FBXO34: variants seen among roughly 807,000 people sequenced by gnomAD.
FBXO34 encodes the protein F-box only protein 34.
Under a neutral mutation model 24.5 loss-of-function variants are expected in FBXO34, and 12 were observed. The observed-to-expected ratio is 0.49, with a 90% CI of 0.31 to 0.79. The LOEUF (loss-of-function observed/expected upper bound fraction) is 0.79. FBXO34 is among the 30% of genes least tolerant of loss of function. The pLI is 0.04. For missense variants in FBXO34, 823 were observed against 857.7 expected, an observed-to-expected ratio of 0.96 and a Z score of 0.51; for synonymous variants, 320 against 311.9, an observed-to-expected ratio of 1.03 and a Z score of -0.27.
downstream of FBXO34, among the ~76,000 whole-genome samples, chr14:55,363,863 T>C (rs1884626371): frequency 6.6e-6 from 1 of 151,970 alleles, no homozygotes; most frequent in African/African-American, 2.4e-5. Flanking sequence ...TCCTGCTTAA[T>C]GCCTCTGCGT....
chr14:55,311,886 C>T (rs1469217047), intron 1 of FBXO34, among the ~76,000 whole-genome samples: 1 of 151,866 alleles, frequency 6.6e-6, no homozygotes, highest in Non-Finnish European at 1.5e-5. Flanking sequence ...CACCACCATG[C>T]CCAGCTAATT....
intron 1 of FBXO34, among the ~76,000 whole-genome samples, chr14:55,332,435 T>TATC (rs1307822766): frequency 2.0e-5 from 3 of 152,206 alleles, no homozygotes; most frequent in Non-Finnish European, 4.4e-5. Flanking sequence ...GGTCTGGAGC[T>TATC]ATCACCTCTT....
chr14:55,298,215 T>TC (rs1288897194), intron 1 of FBXO34, among the ~76,000 whole-genome samples: 1 of 151,712 alleles, frequency 6.6e-6, no homozygotes, highest in Non-Finnish European at 1.5e-5. Flanking sequence ...GTTTTTTTTT[T>TC]TGCGTTTTTT....
the FBXO34 span, among the ~76,000 whole-genome samples, chr14:55,375,983 G>A: frequency 2.6e-5 from 4 of 152,084 alleles, no homozygotes; most frequent in Non-Finnish European, 5.9e-5. Context: ...ATTATTAATG[G>A]GAACTGCATT....
intron 1 of FBXO34, among the ~76,000 whole-genome samples, chr14:55,312,974 GA>G (rs1191386618): frequency 1.2e-4 from 18 of 152,312 alleles, no homozygotes; most frequent in African/African-American, 4.1e-4. Flanking sequence ...TTTCTCCTCA[GA>G]AAATGGTTTT....
At chr14:55,381,067 C>G in the FBXO34 span, among the ~76,000 whole-genome samples, 2 of 151,948 alleles carry the variant, frequency 1.3e-5, no homozygotes, top group Non-Finnish European at 2.9e-5. Context: ...ATCCCTTCCT[C>G]TGTACCCCAT....
intron 1 of FBXO34, among the ~76,000 whole-genome samples, chr14:55,340,995 T>C (rs1302694146): frequency 6.6e-6 from 1 of 152,162 alleles, no homozygotes; most frequent in Non-Finnish European, 1.5e-5. Context: ...TATGTTTACA[T>C]AAAAATACAT....
intron 1 of FBXO34, chr14:55,282,454 A>T (rs1452614826): frequency 4.0e-6 from 1 of 246,974 alleles, no homozygotes; most frequent in Non-Finnish European, 8.5e-6. Flanking sequence ...AGACAGCATT[A>T]TAAGAACTTT....
downstream of FBXO34, among the ~76,000 whole-genome samples, chr14:55,357,229 G>A (rs933801153): frequency 6.6e-6 from 1 of 152,216 alleles, no homozygotes; most frequent in Non-Finnish European, 1.5e-5. Context: ...CACCATTCCA[G>A]GTGGTTGGTT....
downstream of FBXO34, chr14:55,369,133 C>CA (rs2140113698): frequency 6.5e-6 from 1 of 152,822 alleles, no homozygotes; most frequent in South Asian, 2.1e-4. Context: ...GGTTCTCATA[C>CA]AAAAAACAAT....
At chr14:55,428,153 G>A in the FBXO34 span, among the ~76,000 whole-genome samples, 1 of 39,664 alleles carries the variant, frequency 2.5e-5, no homozygotes. Context: ...TTTTTGAGAC[G>A]GAGTCTCGCT....
At chr14:55,389,441 G>C in the FBXO34 span, among the ~76,000 whole-genome samples, 1 of 152,202 alleles carries the variant, frequency 6.6e-6, no homozygotes, top group Admixed American at 6.5e-5. Flanking sequence ...TAATTCTCTA[G>C]TTTAGTAATC....
chr14:55,369,702 C>T (rs144919020), downstream of FBXO34: 28 of 1,607,390 alleles, frequency 1.7e-5, no homozygotes, highest in African/African-American at 1.3e-4. Flanking sequence ...CTGCTGCTCG[C>T]GATGGGTGGG....
At chr14:55,396,014 T>TA in the FBXO34 span, 1 of 1,509,760 alleles carries the variant, frequency 6.6e-7, no homozygotes, top group Non-Finnish European at 8.9e-7. Context: ...AATAAGCTCT[T>TA]AAAAATAATA....
downstream of FBXO34, among the ~76,000 whole-genome samples, chr14:55,353,979 G>T (rs1039208357): frequency 1.3e-5 from 2 of 152,188 alleles, no homozygotes; most frequent in South Asian, 2.1e-4. Flanking sequence ...GTGGGTGGAA[G>T]ATCTAAAAAC....
At chr14:55,303,533 C>T (rs1420707487) in intron 1 of FBXO34, among the ~76,000 whole-genome samples, 1 of 150,718 alleles carries the variant, frequency 6.6e-6, no homozygotes, top group Non-Finnish European at 1.5e-5. Context: ...AGTAGACCAA[C>T]TTTTATCAAG....
intron 1 of FBXO34, among the ~76,000 whole-genome samples, chr14:55,292,771 G>C (rs990297799): frequency 6.6e-6 from 1 of 152,180 alleles, no homozygotes; most frequent in Non-Finnish European, 1.5e-5. Context: ...AGCTACCATA[G>C]GTACTGTGGC....
the FBXO34 span, among the ~76,000 whole-genome samples, chr14:55,430,576 T>C: frequency 1.3e-5 from 2 of 152,004 alleles, no homozygotes; most frequent in Non-Finnish European, 2.9e-5. Context: ...CCTAAATTTT[T>C]ATAGAGACAG....
the FBXO34 span, among the ~76,000 whole-genome samples, chr14:55,380,872 TATA>T: frequency 1.0e-5 from 1 of 96,440 alleles, no homozygotes; most frequent in Non-Finnish European, 1.9e-5. Context: ...TATATATATA[TATA>T]TTTTTTTTTT....
Sources: allele counts gnomAD v4.1 joint callset (sites outside exome capture counted in the v4.1 genomes callset), GRCh38; gene constraint gnomAD v4.1.1; transcripts MANE v1.5; gene names NCBI Gene and HGNC (gene_info 2026-07-23, HGNC 2026-07-21).